Variants in TMEM176A observed in about 807,000 individuals in gnomAD.
TMEM176A encodes hepatocellular carcinoma-associated antigen 112.
TMEM176A carries 20 observed loss-of-function variants against 27.9 expected under a neutral mutation model. The ratio of observed to expected loss-of-function variants is 0.72; its 90% CI spans 0.50 to 1.04. The LOEUF is 1.04. TMEM176A is among the 50% of genes least tolerant of loss of function. The probability of loss-of-function intolerance (pLI) is 0.00; values close to 1 mark genes in which losing one functional copy is unlikely to be tolerated. For missense variants in TMEM176A, 252 were observed against 289.1 expected (o/e 0.87, Z 0.93); for synonymous variants, 125 against 118.0 (o/e 1.06, Z -0.38).
At chr7:150,803,539 G>T in intron 4 of TMEM176A, 81 bp from the exon 5 acceptor site, 8 of 1,586,348 alleles carry the variant, frequency 5.0e-6, no homozygotes, top group Non-Finnish European at 6.9e-6. Flanking sequence ...AGGCTTCTCT[G>T]GGCCTTGCCC....
intron 6 of TMEM176A, 37 bp from the exon 7 acceptor site, chr7:150,804,789 TC>T (rs1798887731): frequency 5.6e-6 from 9 of 1,612,320 alleles, no homozygotes; most frequent in Non-Finnish European, 6.8e-6. Flanking sequence ...GCCCTTTCTC[TC>T]CCACTCACGA....
chr7:150,803,872 G>T, intron 5 of TMEM176A, 40 bp downstream of exon 5: 1 of 1,597,774 alleles, frequency 6.3e-7, no homozygotes, highest in African/African-American at 1.3e-5. Flanking sequence ...AGGTGGGGCA[G>T]GGATGGCCAG....
chr7:150,804,290 T>A (rs1798875834), intron 5 of TMEM176A, 72 bp from the exon 6 acceptor site: 4 of 1,274,404 alleles, frequency 3.1e-6, no homozygotes, highest in Non-Finnish European at 4.6e-6. Flanking sequence ...CCCAGGTCAA[T>A]AAGGAGCATG....
At chr7:150,801,040 C>A in intron 1 of TMEM176A, 2 of 968,820 alleles carry the variant, frequency 2.1e-6, no homozygotes, top group Non-Finnish European at 2.5e-6. Flanking sequence ...GGCGTGAACC[C>A]GTCGGGCGTG....
chr7:150,800,879 C>T lies in TMEM176A; in HGVS notation c.-16+51C>T, dbSNP rs1585290497. On this transcript the variant is annotated intron_variant, in intron 1 of 6. Coordinates refer to ENST00000004103, the MANE Select transcript of TMEM176A (RefSeq NM_018487.3). Reference sequence around the variant, plus strand: ...GCCCCCGGGCCTCCTTCCGCACGCACCCCGAGCTGCCTCCGCACAGTTGGA... The same window carrying T: ...GCCCCCGGGCCTCCTTCCGCACGCATCCCGAGCTGCCTCCGCACAGTTGGA... 5 of 983,990 alleles carry T rather than the reference C, an allele frequency of 5.1e-6. No homozygotes were observed. In the East Asian group the frequency reaches 3.4e-4, roughly 67 times the overall value. 61.0% of individuals were successfully genotyped at this position (983,990 alleles called of 1,614,324 possible).
In TMEM176A at chr7:150,805,012, G is replaced by A. The variant is rs1798893073; in HGVS notation, c.*144G>A. The A allele has an allele frequency of 7.5e-6, 6 of 800,408 alleles. No individual in the cohort carries two copies. In the East Asian group the frequency reaches 1.5e-4, roughly 20 times the overall value. 49.6% of individuals were successfully genotyped at this position (800,408 alleles called of 1,614,324 possible). The stretch of plus-strand genomic sequence containing the variant: ...GCCCCATGACCGTGGCCACAGCCCT[G>A]CTCCAGCAGCACTTGCCCATTCCTT... On this transcript the variant is annotated 3_prime_UTR_variant, in exon 7 of 7. Coordinates refer to ENST00000004103, the MANE Select transcript of TMEM176A (RefSeq NM_018487.3).
rs36111354 is a variant in TMEM176A at position 150,802,290 on chromosome 7, G to C, written c.250G>C (p.Val84Leu). The C allele has an allele frequency of 2.5e-6, 4 of 1,613,874 alleles. No individual in the cohort carries two copies. Among genetic ancestry groups the C allele is most frequent in the South Asian group, 1.1e-5 (1 of 91,072 alleles). ...FFYIRDYTLL[V>L]TSGAAIWTGA... ...CTACATCCGCGACTACACCCTCCTC[G>C]TCACCTCGGGAGCTGCCATCTGGAC... is the stretch of plus-strand genomic sequence containing the variant. Residue 84 changes from valine to leucine, a missense_variant, in exon 3 of 7, where the codon GTC (valine) becomes CTC (leucine). Val to Leu is a conservative substitution (Grantham distance 32). Coordinates refer to ENST00000004103, the MANE Select transcript of TMEM176A (RefSeq NM_018487.3).
intron 3 of TMEM176A, 169 bp downstream of exon 3, chr7:150,802,494 G>C: frequency 1.4e-6 from 1 of 721,194 alleles, no homozygotes; most frequent in Non-Finnish European, 2.3e-6. Context: ...GGCGGTGGTG[G>C]CATGTCCTAT....
intron 3 of TMEM176A, chr7:150,803,100 C>G: frequency 1.8e-6 from 2 of 1,090,588 alleles, no homozygotes; most frequent in Non-Finnish European, 2.2e-6. Context: ...ATCCCACCAT[C>G]CCTAGAACTT....
At chr7:150,804,718 A>G (rs1798886428) in intron 6 of TMEM176A, 109 bp from the exon 7 acceptor site, 1 of 1,178,498 alleles carries the variant, frequency 8.5e-7, no homozygotes, top group Non-Finnish European at 1.3e-6. Context: ...CCTTTGGATC[A>G]GGTACCATGC....
chr7:150,802,532 C>T (rs1217029131), intron 3 of TMEM176A: 2 of 674,902 alleles, frequency 3.0e-6, no homozygotes, highest in Non-Finnish European at 4.8e-6. Flanking sequence ...CCATACCCTT[C>T]CCAGTGCTGT....
At chr7:150,802,487 G>T in intron 3 of TMEM176A, 162 bp downstream of exon 3, 1 of 732,136 alleles carries the variant, frequency 1.4e-6, no homozygotes, top group South Asian at 1.8e-5. Flanking sequence ...AGCTGAGGGC[G>T]GTGGTGGCAT....
intron 1 of TMEM176A, 129 bp from the exon 2 acceptor site, chr7:150,801,407 G>C: frequency 1.1e-6 from 1 of 893,632 alleles, no homozygotes; most frequent in Non-Finnish European, 1.7e-6. Context: ...CAGGGGTGCG[G>C]CCCTGTGACC....
rs1482892047 is a variant in TMEM176A at position 150,802,722 on chromosome 7, A to C, written c.285+397A>C. 3 of 1,019,946 alleles carry C rather than the reference A, an allele frequency of 2.9e-6. No homozygotes were observed. In the East Asian group the frequency reaches 2.9e-4, roughly 97 times the overall value. The allele number at this position is 1,019,946 out of a possible 1,614,324, so 63.2% of individuals were successfully genotyped here. A position where few individuals can be genotyped will look rare whatever the true frequency, so the allele number is the denominator to read the frequency against. On this transcript the variant is annotated intron_variant, in intron 3 of 6. Coordinates refer to ENST00000004103, the MANE Select transcript of TMEM176A (RefSeq NM_018487.3). ...TCTCATTGTCCTCCACAGGCCCTGT[A>C]CACAATGGAAACCCAGGAATTGTTG... is the stretch of plus-strand genomic sequence containing the variant.
chr7:150,804,719 G>C, intron 6 of TMEM176A, 108 bp from the exon 7 acceptor site: 2 of 1,198,026 alleles, frequency 1.7e-6, no homozygotes, highest in South Asian at 1.2e-5. Context: ...CTTTGGATCA[G>C]GTACCATGCT....
chr7:150,801,997 C>T (rs775566215), intron 2 of TMEM176A: 4 of 610,452 alleles, frequency 6.6e-6, no homozygotes, highest in Non-Finnish European at 1.1e-5. Context: ...TGGGCCGGCT[C>T]TCCTCTCCTT....
intron 3 of TMEM176A, 183 bp downstream of exon 3, chr7:150,802,508 C>T: frequency 1.4e-6 from 1 of 697,404 alleles, no homozygotes; most frequent in East Asian, 2.8e-5. Context: ...GTCCTATTCA[C>T]ACTGTCTGCT....
chr7:150,804,748 A>C, intron 6 of TMEM176A, 79 bp from the exon 7 acceptor site: 53 of 1,440,874 alleles, frequency 3.7e-5, no homozygotes, highest in African/African-American at 5.6e-5. Context: ...TGGTAGCTCC[A>C]GAGCTAAGCT....
chr7:150,802,808 C>T, intron 3 of TMEM176A: 3 of 992,330 alleles, frequency 3.0e-6, no homozygotes, highest in Non-Finnish European at 3.6e-6. Context: ...GGTACCTACA[C>T]TCTCAGAATA....
Sources: allele counts gnomAD v4.1 joint callset, GRCh38; gene constraint gnomAD v4.1.1; transcripts MANE v1.5; gene names NCBI Gene and HGNC (gene_info 2026-07-23, HGNC 2026-07-21).